Variants in ARPP19 observed in about 807,000 individuals in gnomAD.
ARPP19 encodes cAMP-regulated phosphoprotein 19.
Under a neutral mutation model 12.0 loss-of-function variants are expected in ARPP19, and 8 were observed. That is an observed-to-expected ratio of 0.67 (90% confidence interval 0.39 to 1.21). The LOEUF is 1.21. Ranked by LOEUF, ARPP19 falls within the 50% of genes most tolerant of loss-of-function variation. The pLI is 0.01. For synonymous variants in ARPP19, 47 were observed against 50.4 expected (o/e 0.93, Z 0.29); for missense variants, 102 against 136.3 (o/e 0.75, Z 1.25).
chr15:52,565,982 GTA>G (rs2078077972), intron 1 of ARPP19, among the ~76,000 whole-genome samples: 1 of 152,094 alleles, frequency 6.6e-6, no homozygotes, highest in Non-Finnish European at 1.5e-5. Context: ...AGCCTCCTGA[GTA>G]GCTGGAACTA....
Position 52,547,482 on chromosome 15 carries a change from T to C in ARPP19, c.*4452A>G, listed in dbSNP as rs1019086760. 1 of 152,224 alleles carries C rather than the reference T, an allele frequency of 6.6e-6. No individual in the cohort carries two copies. Among genetic ancestry groups the C allele is most frequent in the Non-Finnish European group, 1.5e-5 (1 of 68,038 alleles). The allele number at this position is 152,224 out of a possible 1,614,324, so 9.4% of individuals were successfully genotyped here. A position where few individuals can be genotyped will look rare whatever the true frequency, so the allele number is the denominator to read the frequency against. ...AAGGGCATAATATTAAATATGTTTT[T>C]TTCCAACTGCGATTTAGTTGAAAAA... is the stretch of plus-strand genomic sequence containing the variant. On this transcript the variant is annotated 3_prime_UTR_variant, in exon 3 of 3. Transcript: ENST00000249822.
chr15:52,566,042 GA>G (rs2078078737), intron 1 of ARPP19, among the ~76,000 whole-genome samples: 1 of 152,094 alleles, frequency 6.6e-6, no homozygotes, highest in Admixed American at 6.5e-5. Context: ...TTTTAGTAGA[GA>G]GGGGGTTTCC....
chr15:52,560,386 C>G (rs907355434), intron 1 of ARPP19, among the ~76,000 whole-genome samples: 3 of 152,180 alleles, frequency 2.0e-5, no homozygotes, highest in African/African-American at 7.2e-5. Context: ...AAAACAGCAT[C>G]TATGAGCTGC....
At chr15:52,564,800 A>C (rs985261410) in intron 1 of ARPP19, among the ~76,000 whole-genome samples, 27 of 152,166 alleles carry the variant, frequency 1.8e-4, no homozygotes, top group African/African-American at 6.5e-4. Context: ...AAGAGTTCTT[A>C]AGTGGGTCTA....
At chr15:52,562,971 G>T (rs1454048101) in intron 1 of ARPP19, among the ~76,000 whole-genome samples, 1 of 150,344 alleles carries the variant, frequency 6.7e-6, no homozygotes, top group Non-Finnish European at 1.5e-5. Flanking sequence ...CCCACGCTGG[G>T]TTCAAGTGAT....
chr15:52,567,433 G>A (rs1031347774), intron 1 of ARPP19, among the ~76,000 whole-genome samples: 3 of 152,158 alleles, frequency 2.0e-5, no homozygotes, highest in Admixed American at 1.3e-4. Context: ...CTGTGCACCA[G>A]AAGTTAATGC....
Position 52,549,980 on chromosome 15 carries a change from T to C in ARPP19, c.*1954A>G, listed in dbSNP as rs2077914151. 6.6e-6 allele frequency: 1 copy of C among 152,624 alleles called. No individual in the cohort carries two copies. Among genetic ancestry groups the C allele is most frequent in the South Asian group, 2.1e-4 (1 of 4,820 alleles). The allele number at this position is 152,624 out of a possible 1,614,324, so 9.5% of individuals were successfully genotyped here. A position where few individuals can be genotyped will look rare whatever the true frequency, so the allele number is the denominator to read the frequency against. ...AATCAGCAAGCTTTCCTCAGAGCACTAGGCAGCCTTTAACTTAAGGTGCTA... is the reference window on the plus strand; with the variant it reads ...AATCAGCAAGCTTTCCTCAGAGCACCAGGCAGCCTTTAACTTAAGGTGCTA... On this transcript the variant is annotated 3_prime_UTR_variant, in exon 3 of 3. Transcript: ENST00000249822.
chr15:52,568,484 T>G (rs994857112), intron 1 of ARPP19: 2 of 210,060 alleles, frequency 9.5e-6, no homozygotes, highest in East Asian at 2.4e-4. Context: ...ATACAAGTAG[T>G]TGGAGAGTTC....
chr15:52,550,262 C>G lies in ARPP19; in HGVS notation c.*1672G>C, dbSNP rs894835433. 7 of 152,180 alleles carry G rather than the reference C, an allele frequency of 4.6e-5. No homozygotes were observed. Among genetic ancestry groups the G allele is most frequent in the Non-Finnish European group, 1.0e-4 (7 of 68,032 alleles). 9.4% of individuals were successfully genotyped at this position (152,180 alleles called of 1,614,324 possible). On this transcript the variant is annotated 3_prime_UTR_variant, in exon 3 of 3. Transcript: ENST00000249822. ...TGCTAAGTTCTAACTAGATAAGCCACAAGTAAAACTAAATTGGTATTTTAC... is the reference window on the plus strand; with the variant it reads ...TGCTAAGTTCTAACTAGATAAGCCAGAAGTAAAACTAAATTGGTATTTTAC...
At chr15:52,566,607 A>G (rs2078084578) in intron 1 of ARPP19, among the ~76,000 whole-genome samples, 1 of 151,424 alleles carries the variant, frequency 6.6e-6, no homozygotes, top group African/African-American at 2.4e-5. Flanking sequence ...ATTTTATTTT[A>G]TTTTATTTTG....
chr15:52,561,781 A>G (rs1184502917), intron 1 of ARPP19, among the ~76,000 whole-genome samples: 8 of 117,658 alleles, frequency 6.8e-5, no homozygotes, highest in African/African-American at 2.1e-4. Context: ...TGGATTAAGG[A>G]AAAAAAAAAA....
intron 2 of ARPP19, 86 bp downstream of exon 2, chr15:52,557,014 T>C: frequency 7.1e-7 from 1 of 1,412,492 alleles, no homozygotes; most frequent in Non-Finnish European, 9.9e-7. Flanking sequence ...AGTACAATGC[T>C]ATACGCACAG....
At chr15:52,567,630 T>C (rs2078096346) in intron 1 of ARPP19, among the ~76,000 whole-genome samples, 1 of 152,210 alleles carries the variant, frequency 6.6e-6, no homozygotes, top group African/African-American at 2.4e-5. Flanking sequence ...ATTTTTTTGG[T>C]AATGCGTAAA....
chr15:52,560,535 G>C (rs796262881), intron 1 of ARPP19, among the ~76,000 whole-genome samples: 4 of 152,168 alleles, frequency 2.6e-5, no homozygotes, highest in Non-Finnish European at 4.4e-5. Context: ...CAGAATTTCA[G>C]TTGGATTTAA....
At chr15:52,555,093 G>A (rs1042285548) in intron 2 of ARPP19, among the ~76,000 whole-genome samples, 2 of 151,944 alleles carry the variant, frequency 1.3e-5, no homozygotes, top group East Asian at 3.9e-4. Context: ...CTTATTCACT[G>A]ACATTCTGTT....
intron 1 of ARPP19, among the ~76,000 whole-genome samples, chr15:52,562,123 G>C (rs1324256633): frequency 6.6e-6 from 1 of 151,924 alleles, no homozygotes; most frequent in Admixed American, 6.6e-5. Context: ...CAGAACTATA[G>C]GGAGCAACTG....
intron 1 of ARPP19, chr15:52,564,339 G>C: frequency 1.1e-6 from 1 of 892,860 alleles, no homozygotes; most frequent in Non-Finnish European, 1.8e-6. Flanking sequence ...GTGAACCCAG[G>C]AGTTCAAGGC....
rs1485128271 is a variant in ARPP19 at position 52,549,782 on chromosome 15, T to C, written c.*2152A>G. The C allele has an allele frequency of 6.6e-6, 1 of 152,618 alleles. No homozygotes were observed. Among genetic ancestry groups the C allele is most frequent in the Non-Finnish European group, 1.5e-5 (1 of 68,040 alleles). The allele number at this position is 152,618 out of a possible 1,614,324, so 9.5% of individuals were successfully genotyped here. On this transcript the variant is annotated 3_prime_UTR_variant, in exon 3 of 3. Transcript: ENST00000249822. Reference sequence around the variant, plus strand: ...AAATATTCATGAAAAAAACCAAGACTAGATATAGAAATTCTACTCTGGGTT... The same window carrying C: ...AAATATTCATGAAAAAAACCAAGACCAGATATAGAAATTCTACTCTGGGTT...
chr15:52,563,718 T>C (rs536375486), intron 1 of ARPP19, among the ~76,000 whole-genome samples: 5 of 152,346 alleles, frequency 3.3e-5, no homozygotes, highest in African/African-American at 1.2e-4. Flanking sequence ...AATAAAAATC[T>C]GACCACTCTA....
Sources: allele counts gnomAD v4.1 joint callset (sites outside exome capture counted in the v4.1 genomes callset), GRCh38; gene constraint gnomAD v4.1.1; transcripts MANE v1.5; gene names NCBI Gene and HGNC (gene_info 2026-07-23, HGNC 2026-07-21).